ACTN2: variants seen among roughly 807,000 people sequenced by gnomAD.
ACTN2 encodes the protein actinin alpha 2.
ACTN2 carries 39 observed loss-of-function variants against 113.8 expected under a neutral mutation model. The observed-to-expected ratio is 0.34, with a 90% CI of 0.27 to 0.45. ACTN2 has a LOEUF of 0.45. Among genes scored for constraint, ACTN2 ranks in the 20% least tolerant of loss-of-function variants. ACTN2 has a pLI of 1.00. For missense variants in ACTN2, 992 were observed against 1,177.9 expected, an observed-to-expected ratio of 0.84 and a Z score of 2.31; for synonymous variants, 429 against 444.1, an observed-to-expected ratio of 0.97 and a Z score of 0.43.
chr1:236,689,360 A>G (rs1252914489), intron 1 of ACTN2, among the ~76,000 whole-genome samples: 1 of 146,252 alleles, frequency 6.8e-6, no homozygotes, highest in Admixed American at 6.9e-5. Context: ...TGTATATTTT[A>G]TATATATATA....
intron 7 of ACTN2, among the ~76,000 whole-genome samples, chr1:236,732,347 T>G (rs1658733128): frequency 2.0e-5 from 3 of 152,226 alleles, no homozygotes; most frequent in African/African-American, 7.2e-5. Context: ...ATTCTTTGGA[T>G]TGTGGCAGCA....
chr1:236,744,568 C>T, intron 11 of ACTN2, 58 bp from the exon 12 acceptor site: 1 of 1,596,254 alleles, frequency 6.3e-7, no homozygotes, highest in Non-Finnish European at 8.6e-7. Flanking sequence ...ATGTGGCTGG[C>T]ATGAGGAAGC....
chr1:236,720,071 T>C (rs763727532), intron 3 of ACTN2, 34 bp from the exon 4 acceptor site: 2 of 1,440,834 alleles, frequency 1.4e-6, no homozygotes, highest in Non-Finnish European at 2.0e-6. Context: ...GACTATGTTA[T>C]CTTTACATTA....
In ACTN2 at chr1:236,761,271, C is replaced by T. The variant is rs111729078; in HGVS notation, c.2526+98C>T. The T allele has an allele frequency of 1.1e-4, 150 of 1,422,728 alleles. No homozygotes were observed. The African/African-American group carries it at 1.5e-3, about 14-fold the overall frequency. 88.1% of individuals were successfully genotyped at this position (1,422,728 alleles called of 1,614,324 possible). A position where few individuals can be genotyped will look rare whatever the true frequency, so the allele number is the denominator to read the frequency against. On this transcript the variant is annotated intron_variant, in intron 20 of 20. Transcript: ENST00000366578. The stretch of plus-strand genomic sequence containing the variant: ...TTGTAAATAAAAACCATTTTTATGC[C>T]GGTGTATTTTGTACAACATTGGCAC...
chr1:236,717,037 G>A (rs1486315651), intron 1 of ACTN2, among the ~76,000 whole-genome samples: 2 of 146,304 alleles, frequency 1.4e-5, no homozygotes, highest in African/African-American at 2.5e-5. Flanking sequence ...GTTTTACCAT[G>A]TTGGTCAGGC....
chr1:236,692,195 A>G (rs1323326703), intron 1 of ACTN2, among the ~76,000 whole-genome samples: 2 of 152,354 alleles, frequency 1.3e-5, no homozygotes, highest in East Asian at 3.9e-4. Context: ...CATCAATTTG[A>G]GAGTGATCAG....
intron 13 of ACTN2, 67 bp from the exon 14 acceptor site, chr1:236,749,057 C>T: frequency 6.4e-7 from 1 of 1,553,516 alleles, no homozygotes; most frequent in Non-Finnish European, 8.9e-7. Context: ...TTATGGAACG[C>T]CTACTTACAC....
chr1:236,695,741 A>G (rs1657479781), intron 1 of ACTN2, among the ~76,000 whole-genome samples: 1 of 152,186 alleles, frequency 6.6e-6, no homozygotes, highest in Admixed American at 6.5e-5. Flanking sequence ...ACAAGATTGC[A>G]GGTGATTCTG....
Position 236,755,151 on chromosome 1 carries a change from C to A in ACTN2, c.2107C>A (p.Gln703Lys), listed in dbSNP as rs1376989649. ...DKLEGDHQLI[Q>K]EALVFDNKHT... Reference sequence around the variant, plus strand: ...GCTGGAGGGAGACCATCAGCTCATCCAGGAGGCCCTTGTCTTTGACAACAA... The same window carrying A: ...GCTGGAGGGAGACCATCAGCTCATCAAGGAGGCCCTTGTCTTTGACAACAA... The change falls in exon 17 of 21, where the codon CAG becomes AAG. Residue 703 changes from glutamine to lysine, a missense_variant. Physicochemically the swap from Gln to Lys is moderately conservative, Grantham distance 53. Transcript: ENST00000366578. 1.2e-6 allele frequency: 2 copies of A among 1,614,050 alleles called. No homozygotes were observed. Among genetic ancestry groups the A allele is most frequent in the African/African-American group, 2.7e-5 (2 of 74,912 alleles).
chr1:236,731,116 A>G, intron 6 of ACTN2, 117 bp from the exon 7 acceptor site: 2 of 741,920 alleles, frequency 2.7e-6, no homozygotes, highest in South Asian at 3.0e-5. Flanking sequence ...TTACACTATT[A>G]TGATTGTGTG....
intron 18 of ACTN2, 131 bp from the exon 19 acceptor site, chr1:236,759,593 G>A (rs1659647159): frequency 2.6e-6 from 2 of 763,728 alleles, no homozygotes; most frequent in African/African-American, 3.4e-5. Context: ...CTTCTCGCAA[G>A]TCAGTGGTGA....
At chr1:236,735,398 A>G (rs1460842305) in intron 7 of ACTN2, among the ~76,000 whole-genome samples, 2 of 152,126 alleles carry the variant, frequency 1.3e-5, no homozygotes, top group African/African-American at 2.4e-5. Flanking sequence ...TGGGGGAGAA[A>G]ACAAGCCCTC....
intron 1 of ACTN2, among the ~76,000 whole-genome samples, chr1:236,689,101 G>A (rs778678113): frequency 1.1e-4 from 16 of 152,246 alleles, no homozygotes; most frequent in Non-Finnish European, 2.2e-4. Context: ...AGAAGGGAAT[G>A]CAGAAGATAG....
intron 4 of ACTN2, among the ~76,000 whole-genome samples, chr1:236,723,121 G>A (rs1033614835): frequency 6.6e-6 from 1 of 152,162 alleles, no homozygotes; most frequent in African/African-American, 2.4e-5. Context: ...CTGTACCTTT[G>A]TTTGCTTTTC....
intron 18 of ACTN2, among the ~76,000 whole-genome samples, chr1:236,759,435 A>AG (rs1275020807): frequency 6.6e-6 from 1 of 152,252 alleles, no homozygotes; most frequent in African/African-American, 2.4e-5. Context: ...CTTTGTCAGT[A>AG]GGTGGCAGTA....
At chr1:236,742,836 C>A in intron 10 of ACTN2, 60 bp from the exon 11 acceptor site, 1 of 1,608,396 alleles carries the variant, frequency 6.2e-7, no homozygotes. Context: ...GCCTGAGAGG[C>A]CAGAATGTAA....
intron 1 of ACTN2, among the ~76,000 whole-genome samples, chr1:236,692,235 CAT>C (rs1181942264): frequency 1.3e-5 from 2 of 152,220 alleles, no homozygotes. Context: ...TAAATAACCA[CAT>C]GTTGTTCCAC....
At chr1:236,689,169 T>A (rs990532270) in intron 1 of ACTN2, among the ~76,000 whole-genome samples, 8 of 151,414 alleles carry the variant, frequency 5.3e-5, no homozygotes, top group African/African-American at 1.9e-4. Context: ...CTTTCAAGAG[T>A]GTGTTAGGAA....
chr1:236,745,901 C>T (rs558561420), intron 12 of ACTN2, among the ~76,000 whole-genome samples: 1 of 152,014 alleles, frequency 6.6e-6, no homozygotes, highest in Admixed American at 6.5e-5. Flanking sequence ...CAGTGGCTCA[C>T]GCCTGTAACC....
Sources: allele counts gnomAD v4.1 joint callset (sites outside exome capture counted in the v4.1 genomes callset), GRCh38; gene constraint gnomAD v4.1.1; transcripts MANE v1.5; gene names NCBI Gene and HGNC (gene_info 2026-07-23, HGNC 2026-07-21).